Variants in RARB observed in about 807,000 individuals in gnomAD.
The protein encoded by RARB is retinoic acid receptor beta, also known as HBV-activated protein.
Under a neutral mutation model 51.9 loss-of-function variants are expected in RARB, and 17 were observed. The observed-to-expected ratio is 0.33, with a 90% confidence interval of 0.22 to 0.49. The LOEUF (loss-of-function observed/expected upper bound fraction) is 0.49. Among genes scored for constraint, RARB ranks in the 20% least tolerant of loss-of-function variants. RARB has a pLI of 0.99. For missense variants in RARB, 369 were observed against 550.8 expected, an observed-to-expected ratio of 0.67 and a Z score of 3.30; for synonymous variants, 215 against 195.4, an observed-to-expected ratio of 1.10 and a Z score of -0.84.
chr3:25,329,175 G>A (rs886659074), intron 5 of RARB, among the ~76,000 whole-genome samples: 1 of 152,220 alleles, frequency 6.6e-6, no homozygotes, highest in Non-Finnish European at 1.5e-5. Flanking sequence ...GAAGAGAGTA[G>A]TGGTTCTCCC....
intron 4 of RARB, among the ~76,000 whole-genome samples, chr3:25,574,129 C>T (rs1253302977): frequency 6.6e-6 from 1 of 152,144 alleles, no homozygotes; most frequent in East Asian, 1.9e-4. Flanking sequence ...AGGACTGAAC[C>T]AGAGGTAACA....
At chr3:24,889,366 C>G (rs890214769) in intron 2 of RARB, among the ~76,000 whole-genome samples, 2 of 152,130 alleles carry the variant, frequency 1.3e-5, no homozygotes, top group Non-Finnish European at 2.9e-5. Context: ...GAGAGAAAAT[C>G]TTGACTTCTC....
intron 5 of RARB, among the ~76,000 whole-genome samples, chr3:25,411,472 G>T (rs956190577): frequency 6.6e-6 from 1 of 152,218 alleles, no homozygotes; most frequent in Non-Finnish European, 1.5e-5. Flanking sequence ...TATGTAAGAA[G>T]AAATTAGGCT....
intron 4 of RARB, among the ~76,000 whole-genome samples, chr3:25,163,726 C>T (rs1700513175): frequency 6.6e-6 from 1 of 151,938 alleles, no homozygotes; most frequent in South Asian, 2.1e-4. Context: ...TCAGGCCCCA[C>T]CAAGCCACTA....
chr3:25,588,912 T>G (rs576148244), intron 5 of RARB, among the ~76,000 whole-genome samples: 2 of 152,150 alleles, frequency 1.3e-5, no homozygotes, highest in South Asian at 4.1e-4. Flanking sequence ...GTTTCAGAAG[T>G]CACACACCAT....
intron 1 of RARB, among the ~76,000 whole-genome samples, chr3:24,834,456 A>G (rs79069309): frequency 0.036 from 5,546 of 152,290 alleles, 187 homozygotes; most frequent in East Asian, 0.12. Context: ...AATAAAAATG[A>G]AAGCAAAATA....
intron 4 of RARB, 54 bp downstream of exon 4, chr3:25,569,972 A>C: frequency 2.2e-6 from 3 of 1,333,368 alleles, no homozygotes; most frequent in Non-Finnish European, 2.1e-6. Flanking sequence ...TTGTACGTGC[A>C]TGTGTGCAGA....
intron 2 of RARB, among the ~76,000 whole-genome samples, chr3:24,901,550 T>A (rs945629265): frequency 6.6e-6 from 1 of 152,176 alleles, no homozygotes; most frequent in African/African-American, 2.4e-5. Flanking sequence ...TCAGGGATTT[T>A]AAAAAATAAA....
At chr3:24,980,190 C>T (rs1362664641) in intron 2 of RARB, among the ~76,000 whole-genome samples, 1 of 152,176 alleles carries the variant, frequency 6.6e-6, no homozygotes, top group Non-Finnish European at 1.5e-5. Context: ...TTCTCTCTGG[C>T]TGCCCTTAAC....
At chr3:25,222,476 T>C (rs1443045122) in intron 5 of RARB, among the ~76,000 whole-genome samples, 1 of 152,168 alleles carries the variant, frequency 6.6e-6, no homozygotes, top group Non-Finnish European at 1.5e-5. Context: ...TGTGGATTTC[T>C]ATATGATTCA....
intron 3 of RARB, among the ~76,000 whole-genome samples, chr3:25,062,738 T>C (rs778382340): frequency 1.3e-4 from 19 of 151,894 alleles, no homozygotes; most frequent in Non-Finnish European, 5.9e-5. Flanking sequence ...GAAAGTGGCT[T>C]ATTGGTTGCC....
At chr3:25,555,450 A>G (rs1700019796) in intron 3 of RARB, 1 of 152,204 alleles carries the variant, frequency 6.6e-6, no homozygotes, top group Non-Finnish European at 1.5e-5. Flanking sequence ...ATAAACACCA[A>G]GAAGCTGGAA....
chr3:25,155,287 C>G (rs1299124909), intron 4 of RARB, among the ~76,000 whole-genome samples: 2 of 152,080 alleles, frequency 1.3e-5, no homozygotes, highest in Non-Finnish European at 2.9e-5. Flanking sequence ...AATTCTCTTC[C>G]CCCTGACCCC....
intron 5 of RARB, among the ~76,000 whole-genome samples, chr3:25,392,426 G>A (rs1348643813): frequency 2.0e-5 from 3 of 152,050 alleles, no homozygotes; most frequent in Non-Finnish European, 4.4e-5. Flanking sequence ...GTTGTGTGAA[G>A]AATGATGATG....
At chr3:25,003,193 G>T (rs1697202952) in intron 2 of RARB, among the ~76,000 whole-genome samples, 1 of 129,276 alleles carries the variant, frequency 7.7e-6, no homozygotes, top group Admixed American at 7.5e-5. Flanking sequence ...AGATCATAAT[G>T]CAAAAAAAAA....
chr3:25,465,618 GT>G (rs1439784157), intron 2 of RARB, among the ~76,000 whole-genome samples: 1 of 152,136 alleles, frequency 6.6e-6, no homozygotes, highest in African/African-American at 2.4e-5. Context: ...AATGGGTGTG[GT>G]CCATCTCTGG....
At chr3:25,389,511 G>A (rs1706888471) in intron 5 of RARB, among the ~76,000 whole-genome samples, 1 of 152,188 alleles carries the variant, frequency 6.6e-6, no homozygotes, top group African/African-American at 2.4e-5. Flanking sequence ...CGGTGTTGCT[G>A]TGACATTAAA....
intron 4 of RARB, among the ~76,000 whole-genome samples, chr3:25,134,729 T>C (rs1700006597): frequency 6.6e-6 from 1 of 150,826 alleles, no homozygotes; most frequent in Admixed American, 6.6e-5. Flanking sequence ...AATTGAGTGA[T>C]TTATTTTTTC....
chr3:25,000,950 C>A (rs986332163), intron 2 of RARB, among the ~76,000 whole-genome samples: 1 of 152,040 alleles, frequency 6.6e-6, no homozygotes, highest in Non-Finnish European at 1.5e-5. Flanking sequence ...GCAGTTGATA[C>A]TTGGACAAAA....
Sources: allele counts gnomAD v4.1 joint callset (sites outside exome capture counted in the v4.1 genomes callset), GRCh38; gene constraint gnomAD v4.1.1; transcripts MANE v1.5; gene names NCBI Gene and HGNC (gene_info 2026-07-23, HGNC 2026-07-21).